Variants in AP1G2 observed in about 807,000 individuals in gnomAD.
AP1G2 encodes the protein AP-1 complex subunit gamma-like 2.
In AP1G2, 85 loss-of-function variants were observed where a neutral mutation model predicts 95.8. That is an observed-to-expected ratio of 0.89 (90% confidence interval 0.74 to 1.06). AP1G2 has a LOEUF of 1.06. AP1G2 is among the 50% of genes least tolerant of loss of function. The probability of loss-of-function intolerance (pLI) is 0.00; values close to 1 mark genes in which losing one functional copy is unlikely to be tolerated. For synonymous variants in AP1G2, 378 were observed against 400.0 expected, an observed-to-expected ratio of 0.94 and a Z score of 0.66; for missense variants, 967 against 1,005.8, an observed-to-expected ratio of 0.96 and a Z score of 0.52.
rs1887881765 is a variant in AP1G2 at position 23,566,215 on chromosome 14, A to G, written c.472-55T>C. The G allele has an allele frequency of 5.6e-6, 9 of 1,601,638 alleles. No individual in the cohort carries two copies. In the South Asian group the frequency reaches 1.0e-4, roughly 18 times the overall value. ...TCAGAGGAGATGGACCCCTGCATCT[A>G]CTACTATATAGCACGCAGCAGGCAG... On this transcript the variant is annotated intron_variant, in intron 4 of 21. Coordinates refer to ENST00000397120, the MANE Select transcript of AP1G2 (RefSeq NM_003917.5).
intron 19 of AP1G2, 93 bp from the exon 20 acceptor site, chr14:23,560,511 C>G (rs1232518588): frequency 1.5e-6 from 2 of 1,312,026 alleles, no homozygotes; most frequent in Non-Finnish European, 2.1e-6. Context: ...CACCTACTGG[C>G]CCTGCACTAC....
At position 23,565,557 on chromosome 14, in the gene AP1G2, T is replaced by C. The variant is rs558731376; in HGVS notation, c.741+49A>G. ...AGGAAACCACTGGTCATGGTCTTAC[T>C]GCTATGCCCTCTCTGATCCAGGGAT... is the stretch of plus-strand genomic sequence containing the variant. On this transcript the variant is annotated intron_variant, in intron 7 of 21. Transcript: ENST00000397120. 2.0e-5 allele frequency: 30 copies of C among 1,497,650 alleles called. No homozygotes were observed. The Admixed American group carries it at 5.1e-4, about 25-fold the overall frequency. The allele number at this position is 1,497,650 out of a possible 1,614,324, so 92.8% of individuals were successfully genotyped here.
Position 23,561,595 on chromosome 14 carries a change from C to T in AP1G2, c.1774G>A (p.Gly592Ser), listed in dbSNP as rs781477641. 1.2e-6 allele frequency: 2 copies of T among 1,614,138 alleles called. No individual in the cohort carries two copies. The highest frequency in any genetic ancestry group is 1.1e-5 in the South Asian group (1 of 91,070). ...LEKMPLVERD[G>S]PQADEEAKES... Reference sequence around the variant, plus strand: ...TTTGCTTCCTCATCAGCCTGAGGGCCATCTCGCTCCACAAGAGGCATTTTT... The same window carrying T: ...TTTGCTTCCTCATCAGCCTGAGGGCTATCTCGCTCCACAAGAGGCATTTTT... The change falls in exon 18 of 22, where the codon GGC becomes AGC. Residue 592 changes from glycine to serine, a missense_variant. Physicochemically the swap from Gly to Ser is moderately conservative, Grantham distance 56. Transcript: ENST00000397120.
At chr14:23,562,967 G>C (rs1393071930) in intron 14 of AP1G2, 3 of 782,684 alleles carry the variant, frequency 3.8e-6, no homozygotes, top group South Asian at 2.4e-5. Flanking sequence ...AAATGTGAGA[G>C]GGTCCCTCCC....
In AP1G2 at chr14:23,567,777, G is replaced by A; in HGVS notation, c.-44C>T. The stretch of plus-strand genomic sequence containing the variant: ...CAACTCCGCTCCTCTGCCCCCCAGC[G>A]CTTCCTGGTACGGGGCCGAGCAGGG... On this transcript the variant is annotated 5_prime_UTR_variant, in exon 1 of 22. Transcript: ENST00000397120. The surrounding 1 kb of genome is among the most constrained non-coding windows in gnomAD (Gnocchi z 5.3). The A allele has an allele frequency of 1.0e-6, 1 of 1,002,518 alleles. No individual in the cohort carries two copies. Among genetic ancestry groups the A allele is most frequent in the Non-Finnish European group, 1.2e-6 (1 of 840,676 alleles). The allele number at this position is 1,002,518 out of a possible 1,614,324, so 62.1% of individuals were successfully genotyped here.
At position 23,567,427 on chromosome 14, in the gene AP1G2, C is replaced by G. The variant is rs1888603142; in HGVS notation, c.-5-108G>C. 1 of 1,427,488 alleles carries G rather than the reference C, an allele frequency of 7.0e-7. No homozygotes were observed. Among genetic ancestry groups the G allele is most frequent in the African/African-American group, 1.5e-5 (1 of 67,058 alleles). The allele number at this position is 1,427,488 out of a possible 1,614,324, so 88.4% of individuals were successfully genotyped here. On this transcript the variant is annotated intron_variant, in intron 1 of 21. Coordinates refer to ENST00000397120, the MANE Select transcript of AP1G2 (RefSeq NM_003917.5). The surrounding 1 kb of genome is among the most constrained non-coding windows in gnomAD (Gnocchi z 5.3). ...CTAAGAGCCCGGGTCCCACAGGTAC[C>G]CTAAAATTGCGCCCGCATTTTACCT...
chr14:23,563,236 A>T lies in AP1G2; in HGVS notation c.1410+144T>A, dbSNP rs1045563295. The T allele has an allele frequency of 5.5e-6, 8 of 1,453,246 alleles. No homozygotes were observed. The African/African-American group carries it at 7.1e-5, about 13-fold the overall frequency. 90.0% of individuals were successfully genotyped at this position (1,453,246 alleles called of 1,614,324 possible). On this transcript the variant is annotated intron_variant, in intron 14 of 21. Coordinates refer to ENST00000397120, the MANE Select transcript of AP1G2 (RefSeq NM_003917.5). Reference sequence around the variant, plus strand: ...CAAAAGCCCAGATGTTCTTAAAAACAGGGCTCTGTGCTCAGATGTCTTCTG... The same window carrying T: ...CAAAAGCCCAGATGTTCTTAAAAACTGGGCTCTGTGCTCAGATGTCTTCTG...
chr14:23,563,470 G>T lies in AP1G2; in HGVS notation c.1320C>A (p.Ala440=), dbSNP rs754369597. 4.3e-6 allele frequency: 7 copies of T among 1,613,978 alleles called. No homozygotes were observed. The African/African-American group carries it at 9.3e-5, about 22-fold the overall frequency. ...AGTHVRDDAV[A]NLTQLIGGAQ... ...CCCCCCCAATCAGCTGGGTCAGGTT[G>T]GCCACTGCATCATCCCGCACATGGG... The change falls in exon 14 of 22, where the codon GCC becomes GCA. Residue 440 remains alanine (A), a synonymous_variant. Coordinates refer to ENST00000397120, the MANE Select transcript of AP1G2 (RefSeq NM_003917.5).
rs575254474 is a variant in AP1G2, at chr14:23,566,884, G to A, written c.205-198C>T. 16 of 908,152 alleles carry A rather than the reference G, an allele frequency of 1.8e-5. No homozygotes were observed. The African/African-American group carries it at 1.8e-4, about 10-fold the overall frequency. 56.3% of individuals were successfully genotyped at this position (908,152 alleles called of 1,614,324 possible). ...ACTAGGAGTTGAGGAGGATGGGAGCGGAGAGGAGGAGATGCCTGCCCTAAA... is the reference window on the plus strand; with the variant it reads ...ACTAGGAGTTGAGGAGGATGGGAGCAGAGAGGAGGAGATGCCTGCCCTAAA... On this transcript the variant is annotated intron_variant, in intron 2 of 21. Coordinates refer to ENST00000397120, the MANE Select transcript of AP1G2 (RefSeq NM_003917.5).
chr14:23,563,581 C>T lies in AP1G2; in HGVS notation c.1287+3G>A. The T allele has an allele frequency of 1.2e-6, 2 of 1,614,262 alleles. No homozygotes were observed. The highest frequency in any genetic ancestry group is 1.7e-6 in the Non-Finnish European group (2 of 1,180,040). ...CCAGCTCTCTGACTGGCCCCTGCCT[C>T]ACCGTTGTCAGCACATGCAGGATGG... On this transcript the variant is annotated splice_donor_region_variant and intron_variant, in intron 13 of 21. Coordinates refer to ENST00000397120, the MANE Select transcript of AP1G2 (RefSeq NM_003917.5).
chr14:23,563,497 G>A lies in AP1G2; in HGVS notation c.1293C>T (p.Gly431=). 6.2e-7 allele frequency: 1 copy of A among 1,614,210 alleles called. No homozygotes were observed. The highest frequency in any genetic ancestry group is 8.5e-7 in the Non-Finnish European group (1 of 1,180,018). The change falls in exon 14 of 22, where the codon GGC becomes GGT. Residue 431 remains glycine, a synonymous_variant. Coordinates refer to ENST00000397120, the MANE Select transcript of AP1G2 (RefSeq NM_003917.5). ...DTILHVLTTA[G]THVRDDAVAN... ...CCACTGCATCATCCCGCACATGGGT[G>A]CCCGCCTGGAAGGTGTGGGCATGGC...
intron 8 of AP1G2, 106 bp from the exon 9 acceptor site, chr14:23,564,766 C>A (rs1483624011): frequency 2.0e-6 from 2 of 1,015,594 alleles, no homozygotes; most frequent in Non-Finnish European, 3.0e-6. Context: ...CAGCCTTGAC[C>A]TCCCAGGCTC....
chr14:23,563,343 T>C (rs752305932), intron 14 of AP1G2, 37 bp downstream of exon 14: 1 of 1,559,618 alleles, frequency 6.4e-7, no homozygotes, highest in Non-Finnish European at 8.7e-7. Flanking sequence ...AAGGGAGTGG[T>C]TGGGCAGCCC....
chr14:23,566,698 G>C lies in AP1G2; in HGVS notation c.205-12C>G. 6.2e-7 allele frequency: 1 copy of C among 1,613,096 alleles called. No homozygotes were observed. Among genetic ancestry groups the C allele is most frequent in the Non-Finnish European group, 8.5e-7 (1 of 1,179,152 alleles). ...TTCAGGCACTCCATCTATAGTGAAG[G>C]GGGCAGACCAGGAAGAGGCAGGGGT... On this transcript the variant is annotated splice_polypyrimidine_tract_variant and intron_variant, in intron 2 of 21. Coordinates refer to ENST00000397120, the MANE Select transcript of AP1G2 (RefSeq NM_003917.5).
intron 17 of AP1G2, 98 bp from the exon 18 acceptor site, chr14:23,561,733 T>G (rs1030805976): frequency 4.6e-6 from 7 of 1,531,920 alleles, no homozygotes; most frequent in Non-Finnish European, 5.3e-6. Flanking sequence ...CCTGGGCACA[T>G]GGTGGCTCAG....
rs745554365 is a variant in AP1G2, at chr14:23,566,410, G to C, written c.339C>G (p.Ser113Arg). Residue 113 changes from serine to arginine, a missense_variant, in exon 4 of 22, where the codon AGC (serine) becomes AGG (arginine). Coordinates refer to ENST00000397120, the MANE Select transcript of AP1G2 (RefSeq NM_003917.5). ...GGCCTTGTACTGGCTGAATCCCCTG[G>C]CTCAGGTCACTGCAGGGTTTGGGAG... ...LITNSIKNDL[S>R]QGIQPVQGLA... The C allele has an allele frequency of 6.2e-7, 1 of 1,613,746 alleles. No homozygotes were observed.
In AP1G2 at chr14:23,561,591, G is replaced by A. The variant is rs1884709762; in HGVS notation, c.1778C>T (p.Pro593Leu). The change falls in exon 18 of 22, where the codon CCT becomes CTT. Residue 593 changes from proline (P) to leucine (L), a missense_variant. Coordinates refer to ENST00000397120, the MANE Select transcript of AP1G2 (RefSeq NM_003917.5). ...EKMPLVERDGPQADEEAKESK... is the reference protein window; with the variant it reads ...EKMPLVERDGLQADEEAKESK... ...TTCCTTTGCTTCCTCATCAGCCTGA[G>A]GGCCATCTCGCTCCACAAGAGGCAT... The A allele has an allele frequency of 6.2e-6, 10 of 1,614,128 alleles. No individual in the cohort carries two copies. The highest frequency in any genetic ancestry group is 8.5e-6 in the Non-Finnish European group (10 of 1,180,030).
chr14:23,559,645 A>C lies in AP1G2; in HGVS notation c.*104T>G. The C allele has an allele frequency of 9.7e-7, 1 of 1,035,880 alleles. No homozygotes were observed. Among genetic ancestry groups the C allele is most frequent in the Non-Finnish European group, 1.5e-6 (1 of 680,964 alleles). 64.2% of individuals were successfully genotyped at this position (1,035,880 alleles called of 1,614,324 possible). On this transcript the variant is annotated 3_prime_UTR_variant, in exon 22 of 22. Transcript: ENST00000397120. ...CTGGTCCCCAGTTTTTGCAGTGCAA[A>C]GCCAGAGCGCCACCTGCTGGTAGCC...
intron 14 of AP1G2, 153 bp from the exon 15 acceptor site, chr14:23,562,746 TA>T (rs879795263): frequency 0.048 from 23,921 of 497,688 alleles, no homozygotes; most frequent in South Asian, 0.068. Context: ...ATCTCTATTT[TA>T]AAAAAAAAAA....
Sources: allele counts gnomAD v4.1 joint callset, GRCh38; gene constraint gnomAD v4.1.1; non-coding constraint Gnocchi (gnomAD v3.1); transcripts MANE v1.5; gene names NCBI Gene and HGNC (gene_info 2026-07-23, HGNC 2026-07-21).